Variants in EBF2 observed in about 807,000 individuals in gnomAD.
The protein encoded by EBF2 is transcription factor COE2.
EBF2 carries 21 observed loss-of-function variants against 72.8 expected under a neutral mutation model. That is an observed-to-expected ratio of 0.29 (90% CI 0.20 to 0.42). EBF2 has a LOEUF of 0.42. Ranked by LOEUF, EBF2 falls within the 10% of genes least tolerant of loss-of-function variation. The pLI is 1.00. For missense variants in EBF2, 637 were observed against 731.2 expected, an observed-to-expected ratio of 0.87 and a Z score of 1.49; for synonymous variants, 299 against 274.2, an observed-to-expected ratio of 1.09 and a Z score of -0.89.
chr8:25,915,954 C>T (rs11784157), intron 6 of EBF2, among the ~76,000 whole-genome samples: 80,915 of 151,920 alleles, frequency 0.53, 24,035 homozygotes, highest in East Asian at 0.74. Context: ...GATGATGATT[C>T]AATTTTTACT....
At chr8:26,043,398 G>C (rs974445747) in intron 1 of EBF2, among the ~76,000 whole-genome samples, 1 of 152,234 alleles carries the variant, frequency 6.6e-6, no homozygotes, top group Non-Finnish European at 1.5e-5. Flanking sequence ...TTTTGATCCC[G>C]GGAAGGAAGG....
chr8:25,972,887 T>G (rs868108660), intron 6 of EBF2, among the ~76,000 whole-genome samples: 30 of 148,638 alleles, frequency 2.0e-4, no homozygotes, highest in South Asian at 2.2e-4. Flanking sequence ...TTTTTTTTTT[T>G]GAAAATCACC....
At chr8:25,893,056 C>G (rs1032526646) in intron 7 of EBF2, among the ~76,000 whole-genome samples, 3 of 152,012 alleles carry the variant, frequency 2.0e-5, no homozygotes, top group African/African-American at 7.2e-5. Flanking sequence ...ATGTTACAGT[C>G]GAAGGGAGAG....
intron 6 of EBF2, among the ~76,000 whole-genome samples, chr8:25,931,050 C>T (rs1023434273): frequency 1.2e-4 from 18 of 152,156 alleles, no homozygotes; most frequent in African/African-American, 4.3e-4. Context: ...TTGAAATTCT[C>T]CCCATTGTCA....
Position 25,850,589 on chromosome 8 carries a change from C to T in EBF2, c.1696+5G>A, listed in dbSNP as rs1402415436. Reference sequence around the variant, plus strand: ...GTGTATCCCCAAAATAGAACCCTTGCTTACCTCTGAATCCATTTCCATTGC... The same window carrying T: ...GTGTATCCCCAAAATAGAACCCTTGTTTACCTCTGAATCCATTTCCATTGC... On this transcript the variant is annotated splice_donor_5th_base_variant and intron_variant, in intron 15 of 15. Coordinates refer to ENST00000520164, the MANE Select transcript of EBF2 (RefSeq NM_022659.4). 5 of 1,544,702 alleles carry T rather than the reference C, an allele frequency of 3.2e-6. No individual in the cohort carries two copies. The highest frequency in any genetic ancestry group is 1.4e-5 in the African/African-American group (1 of 69,952).
chr8:25,915,008 G>T (rs879609796), intron 6 of EBF2, among the ~76,000 whole-genome samples: 1 of 152,044 alleles, frequency 6.6e-6, no homozygotes, highest in Non-Finnish European at 1.5e-5. Flanking sequence ...AATTCCTCTT[G>T]CCTAAAAGAC....
At chr8:25,971,590 G>C (rs1178208019) in intron 6 of EBF2, among the ~76,000 whole-genome samples, 1 of 152,088 alleles carries the variant, frequency 6.6e-6, no homozygotes, top group Non-Finnish European at 1.5e-5. Flanking sequence ...GGCAAATGTT[G>C]GTTGGTATTT....
Position 25,889,834 on chromosome 8 carries a change from G to C in EBF2, c.669C>G (p.His223Gln). 1 of 1,613,966 alleles carries C rather than the reference G, an allele frequency of 6.2e-7. No homozygotes were observed. Among genetic ancestry groups the C allele is most frequent in the Non-Finnish European group, 8.5e-7 (1 of 1,179,908 alleles). Residue 223 changes from histidine to glutamine, a missense_variant, in exon 8 of 16, where the codon CAC (histidine) becomes CAG (glutamine). This residue lies in a region of EBF2 where 204 missense variants were observed against 301.2 expected (regional missense o/e 0.68). Transcript: ENST00000520164. ...ACATGTTGTCAGAAACAGCCAGGAC[G>C]TGTCCATCCACATTCACCGTTGTTG... Reference protein sequence around the residue: ...VLSTTVNVDGHVLAVSDNMFV... With the variant: ...VLSTTVNVDGQVLAVSDNMFV...
At chr8:25,911,687 G>C (rs1803132951) in intron 6 of EBF2, among the ~76,000 whole-genome samples, 2 of 152,194 alleles carry the variant, frequency 1.3e-5, no homozygotes. Context: ...AAAATGTACA[G>C]AGTTGAGAAC....
chr8:25,879,969 G>A (rs1372213155), intron 10 of EBF2, among the ~76,000 whole-genome samples: 1 of 152,080 alleles, frequency 6.6e-6, no homozygotes, highest in Non-Finnish European at 1.5e-5. Context: ...ATTATAATAG[G>A]TTTCTTTGTT....
At chr8:25,986,023 A>AAAAAAAAAAAT (rs1804448745) in intron 6 of EBF2, among the ~76,000 whole-genome samples, 1 of 144,312 alleles carries the variant, frequency 6.9e-6, no homozygotes, top group African/African-American at 2.5e-5. Context: ...AAAAAAAAAA[A>AAAAAAAAAAAT]AAGTACATGA....
intron 7 of EBF2, among the ~76,000 whole-genome samples, chr8:25,902,697 T>C (rs1321970196): frequency 3.3e-5 from 5 of 152,014 alleles, no homozygotes; most frequent in African/African-American, 7.3e-5. Context: ...ACTGGCAGGG[T>C]AGGGGCCTGC....
At chr8:26,039,970 G>A (rs1805570818) in intron 5 of EBF2, 58 bp downstream of exon 5, 1 of 1,584,606 alleles carries the variant, frequency 6.3e-7, no homozygotes, top group Non-Finnish European at 8.7e-7. Flanking sequence ...GGCGCGCCAA[G>A]GCGGGGCTGG....
chr8:26,034,375 C>G (rs1321163134), intron 5 of EBF2, among the ~76,000 whole-genome samples: 1 of 152,154 alleles, frequency 6.6e-6, no homozygotes, highest in Non-Finnish European at 1.5e-5. Context: ...CAAGACGTCC[C>G]TCTTGTGCTG....
In EBF2 at chr8:25,887,947, G is replaced by A; in HGVS notation, c.777C>T (p.Ser259=). 6.2e-7 allele frequency: 1 copy of A among 1,613,126 alleles called. No individual in the cohort carries two copies. Among genetic ancestry groups the A allele is most frequent in the Non-Finnish European group, 8.5e-7 (1 of 1,179,598 alleles). The stretch of plus-strand genomic sequence containing the variant: ...CTCCTGTGGTCCAGCCTTCACTCGG[G>A]CTAATGGCTTTGATGCAGGGGGTAG... ...SEATPCIKAI[S]PSEGWTTGGA... Residue 259 remains serine (S), a synonymous_variant, in exon 9 of 16, where the codon AGC becomes AGT. Transcript: ENST00000520164.
At chr8:25,933,776 A>G (rs1563405304) in intron 6 of EBF2, among the ~76,000 whole-genome samples, 2 of 152,192 alleles carry the variant, frequency 1.3e-5, no homozygotes, top group Non-Finnish European at 1.5e-5. Flanking sequence ...ACCAAGAGAT[A>G]GTCTAGTATA....
At chr8:26,019,442 C>T (rs1010623438) in intron 6 of EBF2, among the ~76,000 whole-genome samples, 1 of 152,240 alleles carries the variant, frequency 6.6e-6, no homozygotes, top group African/African-American at 2.4e-5. Context: ...TGGACTTCTG[C>T]TTCTTCCTCC....
At chr8:25,924,906 C>T (rs748982668) in intron 6 of EBF2, among the ~76,000 whole-genome samples, 1 of 152,184 alleles carries the variant, frequency 6.6e-6, no homozygotes, top group Non-Finnish European at 1.5e-5. Context: ...ACAACTGTAC[C>T]CACTGGTGCC....
chr8:25,937,101 T>C (rs1384611794), intron 6 of EBF2, among the ~76,000 whole-genome samples: 1 of 152,300 alleles, frequency 6.6e-6, no homozygotes, highest in East Asian at 1.9e-4. Context: ...TTCTGATCGA[T>C]TGATTAATGA....
Sources: gnomAD v4.1 joint callset for allele counts (sites outside exome capture counted in the v4.1 genomes callset) on GRCh38, gnomAD v4.1.1 for gene constraint, gnomAD v4.1.1 regional missense constraint, MANE v1.5 for transcripts, NCBI Gene and HGNC (gene_info 2026-07-23, HGNC 2026-07-21) for gene names.